ADGRL2: variants seen among roughly 807,000 people sequenced by gnomAD.
The protein encoded by ADGRL2 is adhesion G protein-coupled receptor L2.
In ADGRL2, 44 loss-of-function variants were observed where a neutral mutation model predicts 157.4. The ratio of observed to expected loss-of-function variants is 0.28; its 90% CI spans 0.22 to 0.36. The LOEUF (loss-of-function observed/expected upper bound fraction) is 0.36. ADGRL2 is among the 10% of genes least tolerant of loss of function. The pLI is 1.00. For missense variants in ADGRL2, 1,510 were observed against 1,768.9 expected (o/e 0.85, Z 2.63); for synonymous variants, 585 against 624.7 (o/e 0.94, Z 0.95).
intron 1 of ADGRL2, among the ~76,000 whole-genome samples, chr1:81,306,779 A>G (rs1659364911): frequency 6.6e-6 from 1 of 152,178 alleles, no homozygotes; most frequent in Non-Finnish European, 1.5e-5. Flanking sequence ...ATCCTCTATC[A>G]AGTTTTCCCT....
At position 81,324,599 on chromosome 1, in the gene ADGRL2, C is replaced by T. The variant is rs145228232; in HGVS notation, c.-302+18090C>T. Reference sequence around the variant, plus strand: ...ATATATGTTAAAAATTATATATACACACACACACTTTGGAAGTAGTATCAA... The same window carrying T: ...ATATATGTTAAAAATTATATATACATACACACACTTTGGAAGTAGTATCAA... On this transcript the variant is annotated intron_variant, in intron 1 of 24. Transcript: ENST00000370721. Among the ~76,000 whole-genome samples, 445 of 150,704 alleles carry T rather than the reference C, an allele frequency of 3.0e-3. 6 individuals are homozygous for T. Among genetic ancestry groups the T allele is most frequent in the African/African-American group, 9.3e-3 (383 of 41,174 alleles).
At chr1:81,579,602 A>G (rs1163532648) in intron 2 of ADGRL2, among the ~76,000 whole-genome samples, 1 of 152,212 alleles carries the variant, frequency 6.6e-6, no homozygotes, top group African/African-American at 2.4e-5. Context: ...TATAAACAGC[A>G]TATGAATTCT....
intron 2 of ADGRL2, among the ~76,000 whole-genome samples, chr1:81,567,261 C>T (rs2080583360): frequency 2.0e-5 from 3 of 151,972 alleles, no homozygotes; most frequent in African/African-American, 7.3e-5. Context: ...TTAAAATAAG[C>T]AAAATTTAAA....
chr1:81,631,417 A>T (rs905159758), intron 3 of ADGRL2, among the ~76,000 whole-genome samples: 3 of 152,036 alleles, frequency 2.0e-5, no homozygotes, highest in Non-Finnish European at 2.9e-5. Flanking sequence ...GGATTTCACC[A>T]TGTTGGCCAG....
intron 2 of ADGRL2, among the ~76,000 whole-genome samples, chr1:81,849,393 G>C (rs2092918687): frequency 1.3e-5 from 2 of 151,850 alleles, no homozygotes; most frequent in Admixed American, 1.3e-4. Context: ...GACAGCAGCT[G>C]ACTATTTGAA....
intron 1 of ADGRL2, among the ~76,000 whole-genome samples, chr1:81,820,034 A>G (rs915710677): frequency 2.6e-5 from 4 of 152,160 alleles, no homozygotes; most frequent in African/African-American, 7.2e-5. Flanking sequence ...TTAAAAGAGT[A>G]ACAATCATTT....
chr1:81,556,170 T>G (rs1440750366), intron 2 of ADGRL2, among the ~76,000 whole-genome samples: 1 of 152,126 alleles, frequency 6.6e-6, no homozygotes, highest in Admixed American at 6.5e-5. Context: ...TTACAAATAT[T>G]GTATTAGATT....
chr1:81,775,584 T>TAA (rs78771563), intron 2 of ADGRL2, among the ~76,000 whole-genome samples: 1 of 138,730 alleles, frequency 7.2e-6, no homozygotes. Context: ...GGTCCTGGTT[T>TAA]AAAAAAAAAA....
At chr1:81,484,657 G>A (rs949404763) in intron 2 of ADGRL2, among the ~76,000 whole-genome samples, 1 of 152,070 alleles carries the variant, frequency 6.6e-6, no homozygotes, top group Non-Finnish European at 1.5e-5. Context: ...CAGCATTTTA[G>A]TCCTTTGTTC....
At chr1:81,456,430 G>T (rs932693433) in intron 2 of ADGRL2, among the ~76,000 whole-genome samples, 44 of 151,900 alleles carry the variant, frequency 2.9e-4, no homozygotes, top group African/African-American at 9.2e-4. Flanking sequence ...TAGAGACAGG[G>T]TCTCGCTTTG....
intron 1 of ADGRL2, among the ~76,000 whole-genome samples, chr1:81,730,113 C>T (rs1019915727): frequency 6.6e-6 from 1 of 152,132 alleles, no homozygotes; most frequent in South Asian, 2.1e-4. Context: ...TTGTCTAGCT[C>T]GGTGGTCCCT....
chr1:81,402,669 GT>G (rs1311100165), intron 1 of ADGRL2, among the ~76,000 whole-genome samples: 1 of 152,140 alleles, frequency 6.6e-6, no homozygotes, highest in Non-Finnish European at 1.5e-5. Flanking sequence ...AGTTGACCTT[GT>G]TTTTCCTATT....
At chr1:81,736,975 C>T (rs371957535) in intron 1 of ADGRL2, among the ~76,000 whole-genome samples, 5 of 152,122 alleles carry the variant, frequency 3.3e-5, no homozygotes, top group African/African-American at 1.2e-4. Flanking sequence ...GCTGGGACTA[C>T]GGGTGCTCGC....
intron 2 of ADGRL2, among the ~76,000 whole-genome samples, chr1:81,470,633 A>G (rs1571063594): frequency 1.3e-5 from 2 of 152,332 alleles, no homozygotes; most frequent in East Asian, 3.9e-4. Flanking sequence ...AAAGAAACAT[A>G]TACCAGTGAG....
intron 1 of ADGRL2, among the ~76,000 whole-genome samples, chr1:81,352,285 C>G (rs1379594886): frequency 6.6e-6 from 1 of 152,208 alleles, no homozygotes; most frequent in Non-Finnish European, 1.5e-5. Flanking sequence ...TTCTGATGGG[C>G]CACACCTGAG....
intron 1 of ADGRL2, among the ~76,000 whole-genome samples, chr1:81,729,098 A>G (rs945525137): frequency 2.0e-5 from 3 of 149,648 alleles, no homozygotes; most frequent in African/African-American, 4.9e-5. Flanking sequence ...ATTATATAAT[A>G]TTTATTATAT....
intron 22 of ADGRL2, among the ~76,000 whole-genome samples, chr1:81,987,661 T>C (rs1431267888): frequency 1.3e-5 from 2 of 151,652 alleles, no homozygotes; most frequent in Non-Finnish European, 2.9e-5. Flanking sequence ...AGTATATATA[T>C]ATTTAATATT....
At position 81,837,808 on chromosome 1, in the gene ADGRL2, A is replaced by T. The variant is rs2092358575; in HGVS notation, c.73+751A>T. 2.6e-5 allele frequency among the ~76,000 whole-genome samples: 4 copies of T among 152,100 alleles called. No homozygotes were observed. In the South Asian group the frequency reaches 8.3e-4, roughly 32 times the overall value. The stretch of plus-strand genomic sequence containing the variant: ...TCTTAGTCTTAAATATTATTTCCAC[A>T]TGAAAACAACACACATGCAGGTGTT... On this transcript the variant is annotated intron_variant, in intron 2 of 23. Coordinates refer to ENST00000686636, the MANE Select transcript of ADGRL2 (RefSeq NM_001366006.2).
chr1:81,390,773 C>A (rs1262153249), intron 1 of ADGRL2, among the ~76,000 whole-genome samples: 1 of 152,302 alleles, frequency 6.6e-6, no homozygotes, highest in Non-Finnish European at 1.5e-5. Flanking sequence ...TTTGGTACTG[C>A]AAAGTATTTC....
Sources: allele counts gnomAD v4.1 joint callset (sites outside exome capture counted in the v4.1 genomes callset), GRCh38; gene constraint gnomAD v4.1.1; transcripts MANE v1.5; gene names NCBI Gene and HGNC (gene_info 2026-07-23, HGNC 2026-07-21).